Variants in PHF20 observed in about 807,000 individuals in gnomAD.
The protein encoded by PHF20 is glioma-expressed antigen 2.
PHF20 carries 23 observed loss-of-function variants against 113.5 expected under a neutral mutation model. The ratio of observed to expected loss-of-function variants is 0.20; its 90% CI spans 0.15 to 0.29. The LOEUF is 0.29. PHF20 is among the 10% of genes least tolerant of loss of function. The probability of loss-of-function intolerance (pLI) is 1.00; values close to 1 mark genes in which losing one functional copy is unlikely to be tolerated. For synonymous variants in PHF20, 434 were observed against 457.3 expected (o/e 0.95, Z 0.65); for missense variants, 943 against 1,219.6 (o/e 0.77, Z 3.38).
intron 9 of PHF20, among the ~76,000 whole-genome samples, chr20:35,884,657 T>G (rs182289608): frequency 6.6e-6 from 1 of 152,184 alleles, no homozygotes; most frequent in Admixed American, 6.6e-5. Flanking sequence ...TAATTTAGAC[T>G]TATACATCTA....
chr20:35,839,171 A>G (rs940853341), intron 2 of PHF20, among the ~76,000 whole-genome samples: 11 of 151,962 alleles, frequency 7.2e-5, no homozygotes, highest in Non-Finnish European at 4.4e-5. Flanking sequence ...GGGGCGGATC[A>G]CGAGATCAGG....
intron 2 of PHF20, among the ~76,000 whole-genome samples, chr20:35,841,976 T>C (rs1195967198): frequency 6.6e-6 from 1 of 152,166 alleles, no homozygotes; most frequent in Non-Finnish European, 1.5e-5. Flanking sequence ...TGTCATCTTG[T>C]TTAATCCACA....
chr20:35,906,902 G>T (rs1401034935), intron 10 of PHF20, among the ~76,000 whole-genome samples: 1 of 152,048 alleles, frequency 6.6e-6, no homozygotes, highest in Non-Finnish European at 1.5e-5. Flanking sequence ...TCCTGGGTTG[G>T]TATCTGGGTG....
chr20:35,911,576 T>A lies in PHF20; in HGVS notation c.1562-1673T>A, dbSNP rs138824286. ...GGATATATGTACGTATAAACTCTTG[T>A]TGATATCTAAAAAGTAAGGCATGGT... On this transcript the variant is annotated intron_variant, in intron 10 of 17. Transcript: ENST00000374012. Among the ~76,000 whole-genome samples, 164 of 152,354 alleles carry A rather than the reference T, an allele frequency of 1.1e-3. 1 individual carries two copies. In the East Asian group the frequency reaches 0.02, roughly 19 times the overall value.
chr20:35,835,733 C>T (rs2042428319), intron 2 of PHF20, among the ~76,000 whole-genome samples: 1 of 151,990 alleles, frequency 6.6e-6, no homozygotes, highest in Non-Finnish European at 1.5e-5. Flanking sequence ...AGTTTGAGAC[C>T]AGCCTGGCCA....
chr20:35,836,021 G>GT (rs1456909799), intron 2 of PHF20, among the ~76,000 whole-genome samples: 1 of 151,012 alleles, frequency 6.6e-6, no homozygotes, highest in Non-Finnish European at 1.5e-5. Flanking sequence ...ATTATTACCT[G>GT]TTTTTTAGAT....
At chr20:35,936,425 C>T (rs1052477440) in intron 15 of PHF20, among the ~76,000 whole-genome samples, 1 of 152,118 alleles carries the variant, frequency 6.6e-6, no homozygotes, top group Non-Finnish European at 1.5e-5. Flanking sequence ...TGTAACATCG[C>T]TCTATGCCTT....
At position 35,899,473 on chromosome 20, in the gene PHF20, T is replaced by C; in HGVS notation, c.1386T>C (p.Phe462=). 2 of 1,614,186 alleles carry C rather than the reference T, an allele frequency of 1.2e-6. No individual in the cohort carries two copies. The highest frequency in any genetic ancestry group is 2.7e-5 in the African/African-American group (2 of 75,052). The change falls in exon 10 of 18, where the codon TTT becomes TTC. Residue 462 remains phenylalanine, a synonymous_variant. Coordinates refer to ENST00000374012, the MANE Select transcript of PHF20 (RefSeq NM_016436.5). ...FRCKVVDCLK[F]FRKAKLLHYH... is the part of the protein sequence containing the mutation. ...GCAAAGTTGTGGACTGTTTAAAATT[T>C]TTCCGCAAAGCCAAACTGTTGCACT... is the stretch of plus-strand genomic sequence containing the variant.
intron 1 of PHF20, among the ~76,000 whole-genome samples, chr20:35,780,129 A>G (rs914846496): frequency 3.9e-5 from 6 of 151,914 alleles, no homozygotes; most frequent in Non-Finnish European, 7.4e-5. Context: ...TTTTTCCCCT[A>G]GAAATTTGAG....
At chr20:35,807,419 T>A (rs1268822053) in intron 2 of PHF20, among the ~76,000 whole-genome samples, 1 of 150,782 alleles carries the variant, frequency 6.6e-6, no homozygotes, top group Non-Finnish European at 1.5e-5. Context: ...GTAGAGCGAT[T>A]TGGGCTCACT....
chr20:35,798,764 G>A (rs1468379285), intron 1 of PHF20, among the ~76,000 whole-genome samples: 4 of 149,440 alleles, frequency 2.7e-5, no homozygotes, highest in Non-Finnish European at 1.5e-5. Context: ...TTTTTTTTTT[G>A]TTTTTGTTTT....
intron 5 of PHF20, among the ~76,000 whole-genome samples, chr20:35,860,918 C>G (rs1600839749): frequency 6.6e-6 from 1 of 152,172 alleles, no homozygotes; most frequent in Non-Finnish European, 1.5e-5. Flanking sequence ...ATAGCACTCA[C>G]AGTGCTTTGG....
chr20:35,777,723 C>A (rs1175585997), intron 1 of PHF20, among the ~76,000 whole-genome samples: 1 of 152,150 alleles, frequency 6.6e-6, no homozygotes, highest in Non-Finnish European at 1.5e-5. Context: ...CCTTGGGAGG[C>A]TGACGAGGGA....
chr20:35,818,867 G>A (rs1335912767), intron 2 of PHF20, among the ~76,000 whole-genome samples: 2 of 151,932 alleles, frequency 1.3e-5, no homozygotes, highest in African/African-American at 2.4e-5. Context: ...ACCACTTTGG[G>A]GTGAACTTTC....
At chr20:35,865,497 G>GA (rs2054300238) in intron 6 of PHF20, among the ~76,000 whole-genome samples, 1 of 96,608 alleles carries the variant, frequency 1.0e-5, no homozygotes, top group Non-Finnish European at 2.0e-5. Flanking sequence ...TTTAAGTTGT[G>GA]TTTTTTTTTT....
At position 35,805,406 on chromosome 20, in the gene PHF20, G is replaced by A. The variant is rs1438104727; in HGVS notation, c.83+3801G>A. On this transcript the variant is annotated intron_variant, in intron 2 of 17. Coordinates refer to ENST00000374012, the MANE Select transcript of PHF20 (RefSeq NM_016436.5). ...ATTATTATTATTATTATTTTGAGAT[G>A]GAGTCTTGCTCTGTCGCCCAGGCTG... is the stretch of plus-strand genomic sequence containing the variant. 3.6e-5 allele frequency among the ~76,000 whole-genome samples: 5 copies of A among 140,804 alleles called. No homozygotes were observed. In the Admixed American group the frequency reaches 3.6e-4, roughly 10 times the overall value. 92.4% of individuals were successfully genotyped at this position (140,804 alleles called of 152,430 possible).
chr20:35,899,726 A>ACCTAATGCCTGCTTTGT, intron 10 of PHF20, 78 bp downstream of exon 10: 2 of 1,449,792 alleles, frequency 1.4e-6, no homozygotes, highest in Non-Finnish European at 1.9e-6. Context: ...TGACACACAA[A>ACCTAATGCCTGCTTTGT]GCAGGCATTA....
intron 10 of PHF20, among the ~76,000 whole-genome samples, chr20:35,909,234 A>C (rs1227038341): frequency 6.7e-6 from 1 of 149,310 alleles, no homozygotes; most frequent in Non-Finnish European, 1.5e-5. Context: ...AGGTTGGTGC[A>C]AAAGTAATTG....
At chr20:35,913,451 G>C in intron 11 of PHF20, 104 bp downstream of exon 11, 1 of 786,794 alleles carries the variant, frequency 1.3e-6, no homozygotes, top group African/African-American at 1.7e-5. Flanking sequence ...GCAGAGGAAG[G>C]ACCAATAGTC....
Sources: allele counts gnomAD v4.1 joint callset (sites outside exome capture counted in the v4.1 genomes callset), GRCh38; gene constraint gnomAD v4.1.1; transcripts MANE v1.5; gene names NCBI Gene and HGNC (gene_info 2026-07-23, HGNC 2026-07-21).